Variants in TSC22D1 observed in about 807,000 individuals in gnomAD.
The protein encoded by TSC22D1 is TSC22 domain family member 1.
Under a neutral mutation model 74.2 loss-of-function variants are expected in TSC22D1, and 9 were observed. The ratio of observed to expected loss-of-function variants is 0.12; its 90% confidence interval spans 0.07 to 0.21. The LOEUF (loss-of-function observed/expected upper bound fraction) is 0.21, where lower values mean the gene tolerates loss of function less well. Among genes scored for constraint, TSC22D1 ranks in the 10% least tolerant of loss-of-function variants. TSC22D1 has a pLI of 1.00. For missense variants in TSC22D1, 1,427 were observed against 1,304.7 expected (o/e 1.09, Z -1.44); for synonymous variants, 586 against 492.5 (o/e 1.19, Z -2.51).
In TSC22D1 at chr13:44,433,964, A is replaced by C. The variant is rs1874280706; in HGVS notation, c.*662T>G. The C allele has an allele frequency of 1.3e-6, 2 of 1,531,394 alleles. No homozygotes were observed. The highest frequency in any genetic ancestry group is 2.7e-5 in the African/African-American group (2 of 72,744). 94.9% of individuals were successfully genotyped at this position (1,531,394 alleles called of 1,614,324 possible). On this transcript the variant is annotated 3_prime_UTR_variant, in exon 3 of 3. Coordinates refer to ENST00000458659, the MANE Select transcript of TSC22D1 (RefSeq NM_183422.4). Reference sequence around the variant, plus strand: ...GTCCTCTATTGTACAAAATAGTTACACTACATACACAAATATACAATAAGC... The same window carrying C: ...GTCCTCTATTGTACAAAATAGTTACCCTACATACACAAATATACAATAAGC...
intron 1 of TSC22D1, among the ~76,000 whole-genome samples, chr13:44,512,085 T>C (rs890723624): frequency 6.6e-6 from 1 of 152,224 alleles, no homozygotes; most frequent in African/African-American, 2.4e-5. Flanking sequence ...ATTTCAGAAT[T>C]GTATCCCAAT....
chr13:44,478,894 AGTGTGTGT>A (rs60733643), intron 1 of TSC22D1, among the ~76,000 whole-genome samples: 2 of 150,064 alleles, frequency 1.3e-5, no homozygotes, highest in African/African-American at 4.9e-5. Context: ...ACACACAGGT[AGTGTGTGT>A]GTGTGTGTGT....
intron 1 of TSC22D1, among the ~76,000 whole-genome samples, chr13:44,542,616 C>A (rs1375366922): frequency 6.6e-6 from 1 of 151,962 alleles, no homozygotes; most frequent in African/African-American, 2.4e-5. Flanking sequence ...CCTGAAGTAC[C>A]AAAACATAAT....
intron 1 of TSC22D1, among the ~76,000 whole-genome samples, chr13:44,525,115 G>A (rs141408945): frequency 6.6e-6 from 1 of 152,086 alleles, no homozygotes. Context: ...TCCACCTAAG[G>A]GGGGTAAAAA....
At chr13:44,447,262 G>C (rs146598872) in intron 1 of TSC22D1, among the ~76,000 whole-genome samples, 1 of 151,830 alleles carries the variant, frequency 6.6e-6, no homozygotes, top group East Asian at 1.9e-4. Context: ...GAGATTATAG[G>C]CGTGAGCCAC....
intron 2 of TSC22D1, chr13:44,435,140 T>G (rs1194108092): frequency 2.5e-6 from 1 of 401,052 alleles, no homozygotes; most frequent in Non-Finnish European, 4.4e-6. Context: ...TAAGGCTTCC[T>G]GAGACTGGGC....
intron 1 of TSC22D1, among the ~76,000 whole-genome samples, chr13:44,551,391 T>TGGGTGTGTGGGG (rs775177585): frequency 9.5e-4 from 49 of 51,490 alleles, no homozygotes; most frequent in Non-Finnish European, 1.3e-3. Flanking sequence ...ATCAGATGGG[T>TGGGTGTGTGGGG]GTGTGTGTGT....
chr13:44,507,877 C>A (rs746411625), intron 1 of TSC22D1, among the ~76,000 whole-genome samples: 3 of 152,134 alleles, frequency 2.0e-5, no homozygotes, highest in Non-Finnish European at 4.4e-5. Context: ...AGATATAAGG[C>A]ACTACGACAG....
At chr13:44,507,862 G>A (rs1789805581) in intron 1 of TSC22D1, among the ~76,000 whole-genome samples, 1 of 152,152 alleles carries the variant, frequency 6.6e-6, no homozygotes, top group South Asian at 2.1e-4. Flanking sequence ...GCCTACCACA[G>A]GGGAAGATAT....
intron 1 of TSC22D1, among the ~76,000 whole-genome samples, chr13:44,558,072 G>C (rs980071032): frequency 6.6e-6 from 1 of 152,164 alleles, no homozygotes; most frequent in Non-Finnish European, 1.5e-5. Context: ...AATAGTGACC[G>C]AAATAACCAG....
At chr13:44,478,907 G>T (rs190625853) in intron 1 of TSC22D1, among the ~76,000 whole-genome samples, 2 of 152,128 alleles carry the variant, frequency 1.3e-5, no homozygotes, top group African/African-American at 2.4e-5. Flanking sequence ...GTGTGTGTGT[G>T]TGTGTGTATT....
intron 1 of TSC22D1, among the ~76,000 whole-genome samples, chr13:44,530,059 A>G (rs1880748079): frequency 6.6e-6 from 1 of 152,110 alleles, no homozygotes; most frequent in Non-Finnish European, 1.5e-5. Context: ...GATACAGGCA[A>G]ACTGATTTGA....
At chr13:44,509,555 G>C (rs1160712461) in intron 1 of TSC22D1, among the ~76,000 whole-genome samples, 1 of 152,086 alleles carries the variant, frequency 6.6e-6, no homozygotes, top group African/African-American at 2.4e-5. Context: ...CAGGAGAATC[G>C]CTTGAACCCA....
intron 1 of TSC22D1, among the ~76,000 whole-genome samples, chr13:44,571,699 G>T (rs1239780891): frequency 6.6e-6 from 1 of 151,904 alleles, no homozygotes; most frequent in African/African-American, 2.4e-5. Context: ...TAAAATTAAA[G>T]GTTTAACAAT....
At chr13:44,452,420 T>G (rs1442863885) in intron 1 of TSC22D1, among the ~76,000 whole-genome samples, 1 of 152,138 alleles carries the variant, frequency 6.6e-6, no homozygotes, top group Admixed American at 6.5e-5. Context: ...CTGCCTAATG[T>G]GTGGATGACA....
rs770231947 is a variant in TSC22D1 at position 44,434,611 on chromosome 13, C to T, written c.*15G>A. 1.3e-6 allele frequency: 2 copies of T among 1,514,174 alleles called. No individual in the cohort carries two copies. Among genetic ancestry groups the T allele is most frequent in the South Asian group, 1.3e-5 (1 of 74,540 alleles). The allele number at this position is 1,514,174 out of a possible 1,614,324, so 93.8% of individuals were successfully genotyped here. A position where few individuals can be genotyped will look rare whatever the true frequency, so the allele number is the denominator to read the frequency against. ...AGTTCACACGCAGCAGCCAGTTCTG[C>T]GGGGGCATAGGCAGCTATGCGGTTG... On this transcript the variant is annotated 3_prime_UTR_variant, in exon 3 of 3. Transcript: ENST00000458659.
intron 1 of TSC22D1, chr13:44,436,355 A>C: frequency 6.9e-6 from 8 of 1,166,986 alleles, no homozygotes; most frequent in Non-Finnish European, 9.8e-6. Context: ...ACTTGCAAAA[A>C]TAAGGTTTTT....
chr13:44,566,955 A>T (rs940053476), intron 1 of TSC22D1, among the ~76,000 whole-genome samples: 3 of 152,182 alleles, frequency 2.0e-5, no homozygotes, highest in Non-Finnish European at 4.4e-5. Context: ...AATTAAAAAG[A>T]TTGTTTAGAA....
At chr13:44,483,995 T>C (rs1482968593) in intron 1 of TSC22D1, among the ~76,000 whole-genome samples, 1 of 152,238 alleles carries the variant, frequency 6.6e-6, no homozygotes, top group African/African-American at 2.4e-5. Context: ...ATTCATATAA[T>C]TTCATTTCTA....
Sources: allele counts gnomAD v4.1 joint callset (sites outside exome capture counted in the v4.1 genomes callset), GRCh38; gene constraint gnomAD v4.1.1; transcripts MANE v1.5; gene names NCBI Gene and HGNC (gene_info 2026-07-23, HGNC 2026-07-21).